The following SEC14L5 variants were observed in gnomAD, a reference collection of about 807,000 sequenced individuals.
SEC14L5 encodes SEC14 like lipid binding 5.
A neutral mutation model predicts 84.6 loss-of-function variants in SEC14L5; 96 were observed. That is an observed-to-expected ratio of 1.13 (90% CI 0.96 to 1.34). The LOEUF (loss-of-function observed/expected upper bound fraction) is 1.34, where lower values mean the gene tolerates loss of function less well. Ranked by LOEUF, SEC14L5 falls within the 40% of genes most tolerant of loss-of-function variation. The pLI is 0.00. For missense variants in SEC14L5, 1,224 were observed against 942.5 expected (o/e 1.30, Z -3.91); for synonymous variants, 546 against 383.4 (o/e 1.42, Z -4.95).
intron 2 of SEC14L5, among the ~76,000 whole-genome samples, chr16:4,964,930 C>T (rs1012754010): frequency 2.6e-5 from 4 of 151,840 alleles, no homozygotes; most frequent in Admixed American, 2.6e-4. Context: ...GGGGTTTCAC[C>T]GTGTTGGTCA....
In SEC14L5 at chr16:5,012,850, G is replaced by A. The variant is rs561570764; in HGVS notation, c.1979+1577G>A. Among the ~76,000 whole-genome samples, 3 of 151,508 alleles carry A rather than the reference G, an allele frequency of 2.0e-5. No individual in the cohort carries two copies. In the Middle Eastern group the frequency reaches 0.01, roughly 515 times the overall value. On this transcript the variant is annotated intron_variant, in intron 15 of 15. Transcript: ENST00000251170. ...GTGGAGATTGCAGTGAGCTGAGATC[G>A]CGCCACTGCACTTCAGCCTTGGCGA... is the stretch of plus-strand genomic sequence containing the variant.
At chr16:4,998,811 A>G (rs1232189982) in intron 8 of SEC14L5, among the ~76,000 whole-genome samples, 1 of 152,016 alleles carries the variant, frequency 6.6e-6, no homozygotes, top group Non-Finnish European at 1.5e-5. Context: ...TGACTCTCCT[A>G]AAGAACCGGC....
At chr16:4,987,915 C>T (rs1290953952) in intron 3 of SEC14L5, among the ~76,000 whole-genome samples, 2 of 150,424 alleles carry the variant, frequency 1.3e-5, no homozygotes, top group Non-Finnish European at 3.0e-5. Flanking sequence ...TGGGGAGTAG[C>T]GGGAACTGGG....
rs1955858659 is a variant in SEC14L5, at chr16:5,015,063, T to A, written c.*93T>A. The A allele has an allele frequency of 2.0e-6, 2 of 1,008,542 alleles. No individual in the cohort carries two copies. The highest frequency in any genetic ancestry group is 4.9e-5 in the East Asian group (2 of 40,642). 62.5% of individuals were successfully genotyped at this position (1,008,542 alleles called of 1,614,324 possible). On this transcript the variant is annotated 3_prime_UTR_variant, in exon 16 of 16. Transcript: ENST00000251170. ...GCTAACTGCAGGGCCTGGGACCATG[T>A]GGGCTGGAGCCCCAGGCCTAGATGC... is the stretch of plus-strand genomic sequence containing the variant.
At chr16:5,008,800 G>T (rs1382267098) in intron 14 of SEC14L5, among the ~76,000 whole-genome samples, 152 bp downstream of exon 14, 1 of 152,192 alleles carries the variant, frequency 6.6e-6, no homozygotes, top group Non-Finnish European at 1.5e-5. Flanking sequence ...AGACACACAG[G>T]GTCTCATGTA....
chr16:5,001,589 C>T (rs1016901648), intron 10 of SEC14L5, among the ~76,000 whole-genome samples: 7 of 152,092 alleles, frequency 4.6e-5, no homozygotes, highest in African/African-American at 1.7e-4. Context: ...AGCTCTCCAC[C>T]ACGAGTTCTC....
Position 5,016,279 on chromosome 16 carries a change from C to A in SEC14L5, c.*1309C>A, listed in dbSNP as rs1955874207. The A allele has an allele frequency of 6.6e-6, 1 of 152,212 alleles. No homozygotes were observed. Among genetic ancestry groups the A allele is most frequent in the Admixed American group, 6.5e-5 (1 of 15,284 alleles). The allele number at this position is 152,212 out of a possible 1,614,324, so 9.4% of individuals were successfully genotyped here. ...TGGGGCCTGAGGACATTTCTCCTTTCCTTTCCTGGACTCCCCAAAAGGCAG... is the reference window on the plus strand; with the variant it reads ...TGGGGCCTGAGGACATTTCTCCTTTACTTTCCTGGACTCCCCAAAAGGCAG... On this transcript the variant is annotated 3_prime_UTR_variant, in exon 16 of 16. Coordinates refer to ENST00000251170, the MANE Select transcript of SEC14L5 (RefSeq NM_014692.2).
rs761923875 is a variant in SEC14L5 at position 5,018,420 on chromosome 16, A to G, written c.*3450A>G. On this transcript the variant is annotated 3_prime_UTR_variant, in exon 16 of 16. Coordinates refer to ENST00000251170, the MANE Select transcript of SEC14L5 (RefSeq NM_014692.2). ...GGTGGCTCATGCCTATAATCCCAACACTTTGGGAGGCTGAGGCCGGCTGAT... is the reference window on the plus strand; with the variant it reads ...GGTGGCTCATGCCTATAATCCCAACGCTTTGGGAGGCTGAGGCCGGCTGAT... The G allele has an allele frequency of 1.3e-5, 2 of 152,236 alleles. No homozygotes were observed. Among genetic ancestry groups the G allele is most frequent in the Non-Finnish European group, 2.9e-5 (2 of 68,084 alleles). 9.4% of individuals were successfully genotyped at this position (152,236 alleles called of 1,614,324 possible). A position where few individuals can be genotyped will look rare whatever the true frequency, so the allele number is the denominator to read the frequency against.
At chr16:4,966,510 G>C (rs1410232919) in intron 2 of SEC14L5, among the ~76,000 whole-genome samples, 1 of 148,360 alleles carries the variant, frequency 6.7e-6, no homozygotes, top group African/African-American at 2.5e-5. Flanking sequence ...CCTGACCTCA[G>C]GTAATCACCC....
At chr16:5,003,757 C>T (rs1955702499) in intron 11 of SEC14L5, among the ~76,000 whole-genome samples, 184 bp downstream of exon 11, 1 of 152,216 alleles carries the variant, frequency 6.6e-6, no homozygotes, top group Non-Finnish European at 1.5e-5. Context: ...TTCCTGTATT[C>T]ACTGAGTTAA....
In SEC14L5 at chr16:5,011,099, C is replaced by G; in HGVS notation, c.1805C>G (p.Ser602Cys). Residue 602 changes from serine (S) to cysteine (C), a missense_variant, in exon 15 of 16, where the codon TCC (serine) becomes TGC (cysteine). Physicochemically the swap from Ser to Cys is moderately radical, Grantham distance 112. Transcript: ENST00000251170. ...GGCAGGGCTGATGTGTTTCAGGGCT[C>G]CCATGTGACCCGGTGGCCCGGCGTC... is the stretch of plus-strand genomic sequence containing the variant. ...VCREGESIQG[S>C]HVTRWPGVYL... 6.3e-7 allele frequency: 1 copy of G among 1,598,692 alleles called. No homozygotes were observed. The highest frequency in any genetic ancestry group is 8.5e-7 in the Non-Finnish European group (1 of 1,173,020).
chr16:4,978,857 T>C (rs1043463198), intron 2 of SEC14L5, among the ~76,000 whole-genome samples: 3 of 152,180 alleles, frequency 2.0e-5, no homozygotes, highest in Non-Finnish European at 4.4e-5. Context: ...CGCCTTGGCC[T>C]CCCAAAGTGC....
chr16:4,999,478 G>A (rs949364514), intron 8 of SEC14L5, among the ~76,000 whole-genome samples: 7 of 151,848 alleles, frequency 4.6e-5, no homozygotes, highest in African/African-American at 1.7e-4. Flanking sequence ...AAATTATCTG[G>A]GCATGGTGCT....
chr16:4,990,716 C>G (rs3743845), intron 4 of SEC14L5, 51 bp from the exon 5 acceptor site: 12 of 1,548,778 alleles, frequency 7.7e-6, no homozygotes, highest in South Asian at 2.5e-5. Flanking sequence ...TAGGGGAGGG[C>G]AGGGTGCCCC....
intron 2 of SEC14L5, among the ~76,000 whole-genome samples, chr16:4,970,067 C>T (rs759763022): frequency 2.6e-5 from 4 of 152,214 alleles, no homozygotes; most frequent in Non-Finnish European, 4.4e-5. Flanking sequence ...AACTGACTGC[C>T]TCTCAAAGTG....
At chr16:4,959,437 A>G in intron 2 of SEC14L5, 51 bp downstream of exon 2, 4 of 1,467,778 alleles carry the variant, frequency 2.7e-6, no homozygotes, top group East Asian at 2.3e-5. Flanking sequence ...GAGGGGCTTG[A>G]GATCAGCTAT....
At chr16:4,982,618 GGGC>G (rs1955438635) in intron 2 of SEC14L5, among the ~76,000 whole-genome samples, 1 of 152,206 alleles carries the variant, frequency 6.6e-6, no homozygotes, top group African/African-American at 2.4e-5. Flanking sequence ...TCCCTGTGAA[GGGC>G]ACAGTGGCAT....
chr16:5,005,514 C>T (rs143270789), intron 11 of SEC14L5, among the ~76,000 whole-genome samples: 5 of 152,028 alleles, frequency 3.3e-5, no homozygotes, highest in Admixed American at 2.6e-4. Context: ...AGCCACTGAA[C>T]TGTGCACTTT....
At chr16:5,000,441 T>C (rs555674604) in intron 8 of SEC14L5, among the ~76,000 whole-genome samples, 149 of 152,360 alleles carry the variant, frequency 9.8e-4, no homozygotes, top group African/African-American at 3.1e-3. Flanking sequence ...CTGGCCCTTA[T>C]CCTCATTGTA....
Sources: allele counts gnomAD v4.1 joint callset (sites outside exome capture counted in the v4.1 genomes callset), GRCh38; gene constraint gnomAD v4.1.1; transcripts MANE v1.5; gene names NCBI Gene and HGNC (gene_info 2026-07-23, HGNC 2026-07-21).